The following NR2F1-AS1 variants were observed in gnomAD, a reference collection of about 807,000 sequenced individuals.
The protein encoded by NR2F1-AS1 is NR2F1 regulatory antisense RNA 1.
At chr5:93,429,579 C>G (rs1749267618) in intron 4 of NR2F1-AS1, among the ~76,000 whole-genome samples, 1 of 152,176 alleles carries the variant, frequency 6.6e-6, no homozygotes, top group Non-Finnish European at 1.5e-5. Context: ...TAAATGGTTT[C>G]TGAGCTCTTT....
intron 2 of NR2F1-AS1, among the ~76,000 whole-genome samples, chr5:93,558,694 T>C (rs1424709467): frequency 6.6e-6 from 1 of 152,226 alleles, no homozygotes; most frequent in Non-Finnish European, 1.5e-5. Context: ...ATAGAACAGA[T>C]GTTGTATTAG....
upstream of NR2F1-AS1, chr5:93,585,063 G>T (rs1193147148): frequency 8.7e-6 from 9 of 1,035,618 alleles, 1 homozygote; most frequent in African/African-American, 3.5e-5. Context: ...TCCGCAGGAC[G>T]ACGTGGCCGG....
At chr5:93,452,897 C>T (rs138360518) in intron 4 of NR2F1-AS1, among the ~76,000 whole-genome samples, 13 of 151,838 alleles carry the variant, frequency 8.6e-5, no homozygotes, top group South Asian at 2.1e-4. Flanking sequence ...AAACCCAGTA[C>T]GCAACAACAT....
At chr5:93,502,456 A>G (rs1221699799) in intron 4 of NR2F1-AS1, among the ~76,000 whole-genome samples, 2 of 152,196 alleles carry the variant, frequency 1.3e-5, no homozygotes. Context: ...CAACTTAAGA[A>G]CATATAACGT....
In NR2F1-AS1 at chr5:93,569,223, A is replaced by T. The variant is rs1248296351; in HGVS notation, n.314-5760T>A. Among the ~76,000 whole-genome samples the T allele has an allele frequency of 2.0e-5, 3 of 152,304 alleles. No homozygotes were observed. The East Asian group carries it at 5.8e-4, about 29-fold the overall frequency. Reference sequence around the variant, plus strand: ...CCCACAGCATCATTAGTACACAGGAAGACAGAAGAGAAGGGAGAAAATAGA... The same window carrying T: ...CCCACAGCATCATTAGTACACAGGATGACAGAAGAGAAGGGAGAAAATAGA... On this transcript the variant is annotated intron_variant and non_coding_transcript_variant, in intron 1 of 5. Coordinates refer to ENST00000660523, the Ensembl canonical transcript of NR2F1-AS1.
chr5:93,455,568 TTAAACA>T (rs1749927537), intron 4 of NR2F1-AS1, among the ~76,000 whole-genome samples: 1 of 152,034 alleles, frequency 6.6e-6, no homozygotes, highest in African/African-American at 2.4e-5. Flanking sequence ...GAAACTTACT[TTAAACA>T]TAAAGACACA....
At chr5:93,458,731 C>T (rs1487655386) in intron 4 of NR2F1-AS1, among the ~76,000 whole-genome samples, 8 of 152,054 alleles carry the variant, frequency 5.3e-5, no homozygotes, top group African/African-American at 9.7e-5. Flanking sequence ...AAGCACAGGC[C>T]GGGCGCAGTG....
chr5:93,489,545 G>C (rs1033007536), intron 4 of NR2F1-AS1, among the ~76,000 whole-genome samples: 2 of 151,954 alleles, frequency 1.3e-5, no homozygotes, highest in African/African-American at 4.8e-5. Flanking sequence ...CGGTGGTTCG[G>C]TACCAAATCT....
intron 4 of NR2F1-AS1, among the ~76,000 whole-genome samples, chr5:93,548,946 A>T (rs1040786006): frequency 6.6e-6 from 1 of 152,178 alleles, no homozygotes; most frequent in Non-Finnish European, 1.5e-5. Context: ...CTTAATTTCA[A>T]TTATACCAGG....
intron 1 of NR2F1-AS1, among the ~76,000 whole-genome samples, chr5:93,567,981 T>C (rs1353252955): frequency 6.6e-6 from 1 of 152,210 alleles, no homozygotes; most frequent in Non-Finnish European, 1.5e-5. Context: ...GTCCTTGTTT[T>C]CACCAGAAAC....
chr5:93,552,968 C>T (rs1752267408), intron 4 of NR2F1-AS1, among the ~76,000 whole-genome samples: 2 of 152,002 alleles, frequency 1.3e-5, no homozygotes, highest in African/African-American at 4.8e-5. Context: ...ATACTACTGA[C>T]TCTTGTAGTA....
At chr5:93,450,359 C>T (rs1749800570) in intron 4 of NR2F1-AS1, among the ~76,000 whole-genome samples, 1 of 151,944 alleles carries the variant, frequency 6.6e-6, no homozygotes, top group Non-Finnish European at 1.5e-5. Flanking sequence ...TCCAAAATAC[C>T]AAAATACCTT....
intron 4 of NR2F1-AS1, among the ~76,000 whole-genome samples, chr5:93,461,686 T>C (rs1369907648): frequency 6.6e-6 from 1 of 152,202 alleles, no homozygotes; most frequent in African/African-American, 2.4e-5. Flanking sequence ...AGCATTTTAT[T>C]TTATTTATTT....
intron 4 of NR2F1-AS1, among the ~76,000 whole-genome samples, chr5:93,498,996 A>G (rs1751021282): frequency 6.6e-6 from 1 of 152,186 alleles, no homozygotes; most frequent in Non-Finnish European, 1.5e-5. Flanking sequence ...TAGAGAAAAA[A>G]TAAAAAGGAA....
In NR2F1-AS1 at chr5:93,490,902, G is replaced by C. The variant is rs375916499; in HGVS notation, n.638+62859C>G. Among the ~76,000 whole-genome samples, 548 of 150,226 alleles carry C rather than the reference G, an allele frequency of 3.6e-3. 6 individuals carry two copies. The highest frequency in any genetic ancestry group is 0.013 in the African/African-American group (523 of 40,796). On this transcript the variant is annotated intron_variant and non_coding_transcript_variant, in intron 4 of 5. Transcript: ENST00000660523. ...GTTGATAGTCATTGTGGTTGTGGTA[G>C]TGGTGGTGGTGATGGGAGTGGTGGT...
intron 4 of NR2F1-AS1, among the ~76,000 whole-genome samples, chr5:93,536,457 A>G (rs1367230760): frequency 6.6e-6 from 1 of 152,242 alleles, no homozygotes. Context: ...ATACAGAATC[A>G]CAAAAACTCC....
At chr5:93,572,898 C>A (rs1461315652) in intron 1 of NR2F1-AS1, among the ~76,000 whole-genome samples, 2 of 152,204 alleles carry the variant, frequency 1.3e-5, no homozygotes, top group Non-Finnish European at 2.9e-5. Context: ...GCGCGGCCGG[C>A]GGGGCCGGAT....
chr5:93,477,636 CT>C (rs1750512889), intron 4 of NR2F1-AS1, among the ~76,000 whole-genome samples: 2 of 152,220 alleles, frequency 1.3e-5, no homozygotes, highest in South Asian at 2.1e-4. Flanking sequence ...TCACTCACAT[CT>C]TTAAAAGATG....
chr5:93,513,681 G>A (rs146693497), intron 4 of NR2F1-AS1, among the ~76,000 whole-genome samples: 1 of 152,060 alleles, frequency 6.6e-6, no homozygotes, highest in South Asian at 2.1e-4. Context: ...GGGGGCAAAA[G>A]CTGAAAAGCT....
Sources: gnomAD v4.1 joint callset for allele counts (sites outside exome capture counted in the v4.1 genomes callset) on GRCh38, gnomAD v4.1.1 for gene constraint, MANE v1.5 for transcripts, NCBI Gene and HGNC (gene_info 2026-07-23, HGNC 2026-07-21) for gene names.